PTPRD: variants seen among roughly 807,000 people sequenced by gnomAD.
The protein encoded by PTPRD is protein tyrosine phosphatase receptor type D.
Under a neutral mutation model 214.5 loss-of-function variants are expected in PTPRD, and 34 were observed. The observed-to-expected ratio is 0.16, with a 90% confidence interval of 0.12 to 0.21. The LOEUF is 0.21. PTPRD is among the 10% of genes least tolerant of loss of function. The pLI is 1.00. For synonymous variants in PTPRD, 1,128 were observed against 845.7 expected (o/e 1.33, Z -5.79); for missense variants, 2,545 against 2,398.7 (o/e 1.06, Z -1.27).
rs757769960 is a variant in PTPRD at position 8,521,493 on chromosome 9, G to A, written c.745C>T (p.Pro249Ser). The A allele has an allele frequency of 6.2e-7, 1 of 1,613,780 alleles. No individual in the cohort carries two copies. Among genetic ancestry groups the A allele is most frequent in the African/African-American group, 1.3e-5 (1 of 74,900 alleles). The change falls in exon 20 of 46, where the codon CCA (proline) becomes TCA (serine). Residue 249 changes from proline (P) to serine (S), a missense_variant. Transcript: ENST00000381196. ...CAGGTGATATTAACGCTTCCGCCTG[G>A]CATGATTTCATGATTAGTGGGTGGG... ...SIPPTNHEIM[P>S]GGSVNITCVA...
intron 2 of PTPRD, among the ~76,000 whole-genome samples, chr9:10,510,878 G>C (rs894071567): frequency 1.3e-5 from 2 of 151,934 alleles, no homozygotes; most frequent in African/African-American, 4.8e-5. Context: ...CCCAGCCTCT[G>C]GTAATCACCA....
At chr9:10,395,590 G>A (rs953412409) in intron 2 of PTPRD, among the ~76,000 whole-genome samples, 4 of 151,772 alleles carry the variant, frequency 2.6e-5, no homozygotes, top group East Asian at 3.9e-4. Flanking sequence ...AGATATTAAC[G>A]TTTTGAGAAA....
intron 10 of PTPRD, among the ~76,000 whole-genome samples, chr9:9,176,420 T>C (rs2099924911): frequency 6.6e-6 from 1 of 152,188 alleles, no homozygotes; most frequent in Non-Finnish European, 1.5e-5. Context: ...TCTTCTTTTC[T>C]TAGGTGCTTT....
chr9:10,085,079 A>G (rs540379484), intron 3 of PTPRD, among the ~76,000 whole-genome samples: 7 of 152,026 alleles, frequency 4.6e-5, no homozygotes, highest in Non-Finnish European at 7.4e-5. Flanking sequence ...ATGAACATTC[A>G]TTAGGAATGG....
At position 8,316,911 on chromosome 9, in the gene PTPRD, T is replaced by TATCATC; in HGVS notation, c.*962_*963insGATGAT. On this transcript the variant is annotated 3_prime_UTR_variant, in exon 46 of 46. Coordinates refer to ENST00000381196, the MANE Select transcript of PTPRD (RefSeq NM_002839.4). Reference sequence around the variant, plus strand: ...GGAAGAACTGACTGACTGATAACTGTATCTATTTTTTGTGTGGACACACTG... The same window carrying TATCATC: ...GGAAGAACTGACTGACTGATAACTGTATCATCATCTATTTTTTGTGTGGACACACTG... 1 of 227,188 alleles carries TATCATC rather than the reference T, an allele frequency of 4.4e-6. No homozygotes were observed. Among genetic ancestry groups the TATCATC allele is most frequent in the Non-Finnish European group, 8.7e-6 (1 of 114,582 alleles). The allele number at this position is 227,188 out of a possible 1,614,324, so 14.1% of individuals were successfully genotyped here.
chr9:10,165,760 G>T (rs1018457936), intron 3 of PTPRD, among the ~76,000 whole-genome samples: 4 of 150,716 alleles, frequency 2.7e-5, no homozygotes, highest in African/African-American at 9.7e-5. Context: ...AACATTTATC[G>T]AAGTATTTTC....
At chr9:10,511,516 G>T (rs1311502241) in intron 2 of PTPRD, among the ~76,000 whole-genome samples, 1 of 151,036 alleles carries the variant, frequency 6.6e-6, no homozygotes, top group Non-Finnish European at 1.5e-5. Context: ...CAATTACCCT[G>T]CCTCAGCCTC....
At chr9:8,520,764 G>C (rs1233180866) in intron 20 of PTPRD, among the ~76,000 whole-genome samples, 1 of 152,142 alleles carries the variant, frequency 6.6e-6, no homozygotes, top group Non-Finnish European at 1.5e-5. Flanking sequence ...AACTACAACA[G>C]AATATACTCT....
chr9:9,908,265 T>C (rs1324733490), intron 5 of PTPRD, among the ~76,000 whole-genome samples: 1 of 152,006 alleles, frequency 6.6e-6, no homozygotes, highest in African/African-American at 2.4e-5. Context: ...CTGGCAGTGA[T>C]TGCTGTATCA....
chr9:9,593,140 G>GAAAAGAAAAGAAAAGAAAAGAAAA (rs1563920992), intron 7 of PTPRD, among the ~76,000 whole-genome samples: 1 of 95,270 alleles, frequency 1.0e-5, no homozygotes, highest in African/African-American at 3.6e-5. Context: ...GGAAAGGAAA[G>GAAAAGAAAAGAAAAGAAAAGAAAA]GGAAAGAAAA....
intron 9 of PTPRD, among the ~76,000 whole-genome samples, chr9:9,276,130 G>A (rs1034887599): frequency 5.3e-5 from 8 of 151,302 alleles, no homozygotes; most frequent in African/African-American, 1.2e-4. Flanking sequence ...GTAAAGTCCC[G>A]TCAGTGGCAC....
At chr9:8,911,418 TGTGTGTGTG>T (rs2098747354) in intron 11 of PTPRD, among the ~76,000 whole-genome samples, 2 of 147,102 alleles carry the variant, frequency 1.4e-5, no homozygotes, top group Non-Finnish European at 3.0e-5. Flanking sequence ...GTGTGTGTTG[TGTGTGTGTG>T]TGTGTGTGTG....
At position 9,895,341 on chromosome 9, in the gene PTPRD, A is replaced by G. The variant is rs962636633; in HGVS notation, c.-368+43166T>C. On this transcript the variant is annotated intron_variant, in intron 5 of 45. Transcript: ENST00000381196. ...GGAAGAATTCTACCAAGGACTTTTAAATTGGGAGGAAAGAGATGGAGATAA... is the reference window on the plus strand; with the variant it reads ...GGAAGAATTCTACCAAGGACTTTTAGATTGGGAGGAAAGAGATGGAGATAA... Among the ~76,000 whole-genome samples the G allele has an allele frequency of 4.0e-5, 6 of 149,354 alleles. 1 individual carries two copies. Among genetic ancestry groups the G allele is most frequent in the African/African-American group, 1.5e-4 (6 of 38,910 alleles).
chr9:9,577,839 A>T (rs1251979137), intron 7 of PTPRD, among the ~76,000 whole-genome samples: 1 of 151,930 alleles, frequency 6.6e-6, no homozygotes, highest in East Asian at 1.9e-4. Context: ...TGAGGTTGGG[A>T]GTTCAAGACC....
At chr9:8,921,721 C>T (rs1055099837) in intron 11 of PTPRD, among the ~76,000 whole-genome samples, 5 of 151,778 alleles carry the variant, frequency 3.3e-5, no homozygotes, top group East Asian at 2.0e-4. Flanking sequence ...CTCGAACTCC[C>T]GACCTCAAGT....
chr9:9,744,144 G>T (rs1235337364), intron 6 of PTPRD, among the ~76,000 whole-genome samples: 2 of 152,022 alleles, frequency 1.3e-5, no homozygotes, highest in African/African-American at 4.8e-5. Context: ...ACTCACTTGA[G>T]GAGATTTAAT....
At chr9:9,421,868 G>C (rs1279373702) in intron 8 of PTPRD, among the ~76,000 whole-genome samples, 1 of 151,848 alleles carries the variant, frequency 6.6e-6, no homozygotes, top group Non-Finnish European at 1.5e-5. Flanking sequence ...ATGATGCTCA[G>C]AGATAGTATA....
intron 34 of PTPRD, among the ~76,000 whole-genome samples, chr9:8,439,407 AT>A (rs1362855750): frequency 1.3e-5 from 2 of 152,228 alleles, no homozygotes; most frequent in Non-Finnish European, 2.9e-5. Flanking sequence ...ATTGGTGCAT[AT>A]GTAAGGGTTC....
intron 10 of PTPRD, among the ~76,000 whole-genome samples, chr9:9,031,437 C>T (rs1378444922): frequency 6.6e-6 from 1 of 151,986 alleles, no homozygotes; most frequent in African/African-American, 2.4e-5. Flanking sequence ...GCTCCTAGGT[C>T]ACAACGTGTA....
Sources: gnomAD v4.1 joint callset for allele counts (sites outside exome capture counted in the v4.1 genomes callset) on GRCh38, gnomAD v4.1.1 for gene constraint, MANE v1.5 for transcripts, NCBI Gene and HGNC (gene_info 2026-07-23, HGNC 2026-07-21) for gene names.